STXBP6: variants seen among roughly 807,000 people sequenced by gnomAD.
STXBP6 encodes the protein syntaxin binding protein 6.
In STXBP6, 21 loss-of-function variants were observed where a neutral mutation model predicts 26.9. The ratio of observed to expected loss-of-function variants is 0.78; its 90% confidence interval spans 0.55 to 1.12. The LOEUF (loss-of-function observed/expected upper bound fraction) is 1.12. Ranked by LOEUF, STXBP6 falls within the 50% of genes most tolerant of loss-of-function variation. The pLI, the probability that STXBP6 is intolerant of heterozygous loss-of-function variation, is 0.00. For synonymous variants in STXBP6, 97 were observed against 92.6 expected (o/e 1.05, Z -0.27); for missense variants, 232 against 257.9 (o/e 0.90, Z 0.69).
At chr14:24,954,578 T>C (rs1595181142) in intron 2 of STXBP6, among the ~76,000 whole-genome samples, 2 of 152,132 alleles carry the variant, frequency 1.3e-5, no homozygotes, top group Non-Finnish European at 2.9e-5. Context: ...AAGATCTGCG[T>C]GAGAGCTGCC....
At chr14:25,036,446 C>A (rs1566578301) in intron 1 of STXBP6, among the ~76,000 whole-genome samples, 1 of 152,108 alleles carries the variant, frequency 6.6e-6, no homozygotes, top group Non-Finnish European at 1.5e-5. Context: ...CTGCCCAGGG[C>A]ATTCCTTTCA....
chr14:24,860,331 A>G (rs918969532), intron 2 of STXBP6, among the ~76,000 whole-genome samples: 1 of 152,210 alleles, frequency 6.6e-6, no homozygotes, highest in African/African-American at 2.4e-5. Flanking sequence ...AAGTCAGGAA[A>G]GTAGAACTGG....
intron 2 of STXBP6, among the ~76,000 whole-genome samples, chr14:24,888,802 G>A (rs369180609): frequency 2.0e-5 from 3 of 152,078 alleles, no homozygotes; most frequent in African/African-American, 7.2e-5. Context: ...GCTTTTATGG[G>A]TAGGTTCCTG....
intron 1 of STXBP6, among the ~76,000 whole-genome samples, chr14:24,989,622 G>A (rs545727190): frequency 6.6e-6 from 1 of 152,334 alleles, no homozygotes; most frequent in Non-Finnish European, 1.5e-5. Context: ...GTGGGGAGGG[G>A]GATGGCAGTA....
chr14:24,849,723 C>T (rs1013178575), intron 4 of STXBP6, among the ~76,000 whole-genome samples: 2 of 152,128 alleles, frequency 1.3e-5, no homozygotes, highest in Non-Finnish European at 2.9e-5. Flanking sequence ...AGTGTCACAA[C>T]AGTGAATCAG....
intron 4 of STXBP6, among the ~76,000 whole-genome samples, chr14:24,830,231 T>TG (rs2068417755): frequency 6.6e-6 from 1 of 151,882 alleles, no homozygotes; most frequent in South Asian, 2.1e-4. Flanking sequence ...CAGAAGCCAT[T>TG]GGAGTGTTTT....
intron 1 of STXBP6, among the ~76,000 whole-genome samples, chr14:25,041,059 C>T (rs373821782): frequency 9.9e-5 from 15 of 152,142 alleles, no homozygotes; most frequent in East Asian, 3.9e-4. Context: ...CGGTGGCTCA[C>T]GCCTGTAATC....
chr14:25,022,816 T>C (rs1199189073), intron 1 of STXBP6, among the ~76,000 whole-genome samples: 4 of 152,120 alleles, frequency 2.6e-5, no homozygotes, highest in African/African-American at 9.7e-5. Context: ...GACTCACAAA[T>C]TCAACTGCCT....
At chr14:25,026,314 A>G (rs1197807107) in intron 1 of STXBP6, among the ~76,000 whole-genome samples, 1 of 152,204 alleles carries the variant, frequency 6.6e-6, no homozygotes, top group Non-Finnish European at 1.5e-5. Flanking sequence ...CAACTGAAAA[A>G]AAAGCTTAGA....
At chr14:24,974,441 G>T (rs529604570) in intron 2 of STXBP6, among the ~76,000 whole-genome samples, 1 of 152,296 alleles carries the variant, frequency 6.6e-6, no homozygotes, top group Admixed American at 6.5e-5. Flanking sequence ...AGCTCTTAAT[G>T]AACTGGAAAA....
At chr14:25,007,823 C>G (rs1453864785) in intron 1 of STXBP6, among the ~76,000 whole-genome samples, 1 of 152,316 alleles carries the variant, frequency 6.6e-6, no homozygotes, top group East Asian at 1.9e-4. Context: ...AAAAGGAGGT[C>G]TCACAGACAA....
rs896525962 is a variant in STXBP6 at position 24,996,831 on chromosome 14, G to A, written c.-32-21981C>T. The stretch of plus-strand genomic sequence containing the variant: ...GATCGCGCCATTGTACTTCAGCCTG[G>A]GCAACAAGAGAGAAATGAGTGAAAC... On this transcript the variant is annotated intron_variant, in intron 1 of 5. Coordinates refer to ENST00000323944, the MANE Select transcript of STXBP6 (RefSeq NM_001394410.1). 6.2e-5 allele frequency among the ~76,000 whole-genome samples: 8 copies of A among 129,368 alleles called. No individual in the cohort carries two copies. In the Admixed American group the frequency reaches 6.6e-4, roughly 11 times the overall value. The allele number at this position is 129,368 out of a possible 152,430, so 84.9% of individuals were successfully genotyped here.
chr14:24,837,672 G>A (rs1174111227), intron 4 of STXBP6, among the ~76,000 whole-genome samples: 4 of 152,178 alleles, frequency 2.6e-5, no homozygotes, highest in African/African-American at 9.7e-5. Flanking sequence ...TTCGGCAAAG[G>A]CTAGGACAGA....
chr14:24,967,275 A>G (rs2073763974), intron 2 of STXBP6, among the ~76,000 whole-genome samples: 1 of 152,320 alleles, frequency 6.6e-6, no homozygotes, highest in East Asian at 1.9e-4. Flanking sequence ...AAATACCACA[A>G]CTACTATTAT....
chr14:24,856,933 G>C, intron 3 of STXBP6, 94 bp downstream of exon 3: 1 of 1,430,498 alleles, frequency 7.0e-7, no homozygotes, highest in Non-Finnish European at 9.4e-7. Flanking sequence ...GCCTTCTTAA[G>C]AATGATTCAA....
chr14:24,824,459 T>G (rs2068226437), intron 4 of STXBP6, among the ~76,000 whole-genome samples: 1 of 152,196 alleles, frequency 6.6e-6, no homozygotes, highest in African/African-American at 2.4e-5. Context: ...ACAGAGTGAT[T>G]AAATGCAAAG....
At chr14:25,041,119 G>A (rs887590554) in intron 1 of STXBP6, among the ~76,000 whole-genome samples, 2 of 152,024 alleles carry the variant, frequency 1.3e-5, no homozygotes, top group East Asian at 1.9e-4. Context: ...TCAGGAGTTC[G>A]AGACCAGCCT....
chr14:24,948,469 G>C (rs1286755555), intron 2 of STXBP6, among the ~76,000 whole-genome samples: 3 of 152,142 alleles, frequency 2.0e-5, no homozygotes, highest in Admixed American at 6.5e-5. Flanking sequence ...GTAACAGACT[G>C]TTACTGGCCC....
chr14:24,897,427 A>AG (rs149581632), intron 2 of STXBP6, among the ~76,000 whole-genome samples: 1 of 92,174 alleles, frequency 1.1e-5, no homozygotes, highest in African/African-American at 3.5e-5. Context: ...AAAAAAAAAA[A>AG]GGAAAAAAAA....
Sources: gnomAD v4.1 joint callset for allele counts (sites outside exome capture counted in the v4.1 genomes callset) on GRCh38, gnomAD v4.1.1 for gene constraint, MANE v1.5 for transcripts, NCBI Gene and HGNC (gene_info 2026-07-23, HGNC 2026-07-21) for gene names.